The following ANTXR1 variants were observed in gnomAD, a reference collection of about 807,000 sequenced individuals.
ANTXR1 encodes the protein ANTXR cell adhesion molecule 1.
Under a neutral mutation model 78.1 loss-of-function variants are expected in ANTXR1, and 19 were observed. That is an observed-to-expected ratio of 0.24 (90% CI 0.17 to 0.36). The LOEUF is 0.36. Ranked by LOEUF, ANTXR1 falls within the 10% of genes least tolerant of loss-of-function variation. The probability of loss-of-function intolerance (pLI) is 1.00; values close to 1 mark genes in which losing one functional copy is unlikely to be tolerated. For missense variants in ANTXR1, 518 were observed against 718.6 expected (o/e 0.72, Z 3.19); for synonymous variants, 273 against 260.5 (o/e 1.05, Z -0.46).
At chr2:69,122,088 C>A (rs1672364927) in intron 10 of ANTXR1, among the ~76,000 whole-genome samples, 1 of 152,204 alleles carries the variant, frequency 6.6e-6, no homozygotes, top group South Asian at 2.1e-4. Flanking sequence ...GAACTTTGTG[C>A]AAATCCCTCA....
chr2:69,123,768 GA>G (rs1672432507), intron 11 of ANTXR1, among the ~76,000 whole-genome samples: 1 of 152,156 alleles, frequency 6.6e-6, no homozygotes, highest in South Asian at 2.1e-4. Context: ...CCCTGAGCAA[GA>G]AAAGAAATAC....
At chr2:69,130,723 G>C (rs1429558799) in intron 12 of ANTXR1, among the ~76,000 whole-genome samples, 1 of 152,142 alleles carries the variant, frequency 6.6e-6, no homozygotes, top group African/African-American at 2.4e-5. Flanking sequence ...CCAAGTAAAA[G>C]TCTAATGCCC....
In ANTXR1 at chr2:69,045,252, A is replaced by G. The variant is rs576600176; in HGVS notation, c.296+439A>G. 7.2e-5 allele frequency among the ~76,000 whole-genome samples: 11 copies of G among 152,334 alleles called. No homozygotes were observed. In the East Asian group the frequency reaches 1.9e-3, roughly 27 times the overall value. On this transcript the variant is annotated intron_variant, in intron 3 of 17. Coordinates refer to ENST00000303714, the MANE Select transcript of ANTXR1 (RefSeq NM_032208.3). ...ATAATTACCCAGGAAGGGAGTAGAA[A>G]GGGAGGGCTTATGGTACCACAAAAT...
intron 17 of ANTXR1, among the ~76,000 whole-genome samples, chr2:69,220,122 C>A (rs1041846384): frequency 2.6e-5 from 4 of 152,080 alleles, no homozygotes; most frequent in African/African-American, 9.7e-5. Context: ...ATGGTTCCAC[C>A]TACTCAAAAG....
intron 10 of ANTXR1, among the ~76,000 whole-genome samples, chr2:69,113,584 A>G (rs1335951378): frequency 6.6e-6 from 1 of 151,622 alleles, no homozygotes; most frequent in East Asian, 1.9e-4. Context: ...TCTCCTTCCC[A>G]CCTCTCCTCT....
intron 12 of ANTXR1, among the ~76,000 whole-genome samples, chr2:69,148,314 G>T (rs1673287903): frequency 6.6e-6 from 1 of 152,190 alleles, no homozygotes; most frequent in African/African-American, 2.4e-5. Flanking sequence ...ACTTGTGCTT[G>T]CCTTTTTGTG....
chr2:69,089,606 A>G (rs1220134997), intron 8 of ANTXR1, among the ~76,000 whole-genome samples: 1 of 151,832 alleles, frequency 6.6e-6, no homozygotes, highest in African/African-American at 2.4e-5. Context: ...ATTCTCTTTC[A>G]TTTGTGTCTT....
chr2:69,107,262 C>T (rs1409678247), intron 10 of ANTXR1, among the ~76,000 whole-genome samples: 1 of 151,980 alleles, frequency 6.6e-6, no homozygotes, highest in Non-Finnish European at 1.5e-5. Flanking sequence ...TTTTTTGAGA[C>T]AGGGTCTGGC....
At chr2:69,189,429 T>C (rs1674500254) in intron 16 of ANTXR1, among the ~76,000 whole-genome samples, 1 of 152,216 alleles carries the variant, frequency 6.6e-6, no homozygotes, top group African/African-American at 2.4e-5. Flanking sequence ...AGGGGTTAGG[T>C]AACTTACCCA....
intron 1 of ANTXR1, among the ~76,000 whole-genome samples, chr2:69,032,101 A>G (rs760932402): frequency 6.6e-6 from 1 of 152,262 alleles, no homozygotes; most frequent in Non-Finnish European, 1.5e-5. Flanking sequence ...TATAGCTATT[A>G]TAAAGTTATA....
chr2:69,120,840 C>A (rs758287327), intron 10 of ANTXR1, among the ~76,000 whole-genome samples: 2 of 152,152 alleles, frequency 1.3e-5, no homozygotes, highest in Admixed American at 6.5e-5. Flanking sequence ...TTCCCTGTTG[C>A]GCTTAGAAAA....
chr2:69,179,406 G>A (rs1442660028), intron 14 of ANTXR1, among the ~76,000 whole-genome samples: 2 of 151,816 alleles, frequency 1.3e-5, no homozygotes, highest in South Asian at 2.1e-4. Flanking sequence ...AATTAGCTGG[G>A]TGCATTGATA....
intron 8 of ANTXR1, among the ~76,000 whole-genome samples, chr2:69,081,318 G>C (rs560771721): frequency 4.9e-4 from 74 of 152,294 alleles, no homozygotes; most frequent in African/African-American, 1.7e-3. Flanking sequence ...ATCACCACTG[G>C]ATTACCAGAA....
chr2:69,022,025 A>T (rs750505435), intron 1 of ANTXR1, among the ~76,000 whole-genome samples: 16 of 152,238 alleles, frequency 1.1e-4, no homozygotes, highest in Non-Finnish European at 2.1e-4. Flanking sequence ...AATGGAAAGT[A>T]GAAATGGAGA....
intron 9 of ANTXR1, among the ~76,000 whole-genome samples, chr2:69,101,432 A>C (rs1325835484): frequency 6.6e-6 from 1 of 152,198 alleles, no homozygotes; most frequent in Non-Finnish European, 1.5e-5. Flanking sequence ...GATCTTGGAC[A>C]CATTACTTAA....
intron 9 of ANTXR1, among the ~76,000 whole-genome samples, chr2:69,094,754 A>G (rs987392516): frequency 6.6e-6 from 1 of 152,242 alleles, no homozygotes; most frequent in Non-Finnish European, 1.5e-5. Flanking sequence ...GATAATGACA[A>G]CAAAGCCAAA....
chr2:69,034,572 A>C (rs1368854383), intron 1 of ANTXR1, among the ~76,000 whole-genome samples: 1 of 152,160 alleles, frequency 6.6e-6, no homozygotes, highest in Non-Finnish European at 1.5e-5. Flanking sequence ...ATGGAGTCGA[A>C]ATTAGGGACC....
intron 3 of ANTXR1, among the ~76,000 whole-genome samples, chr2:69,060,290 G>A (rs1670195841): frequency 6.6e-6 from 1 of 152,172 alleles, no homozygotes; most frequent in African/African-American, 2.4e-5. Flanking sequence ...TTTACTTTGA[G>A]AAAGCTAAAG....
intron 12 of ANTXR1, among the ~76,000 whole-genome samples, chr2:69,134,211 G>C (rs778434726): frequency 6.6e-6 from 1 of 152,160 alleles, no homozygotes; most frequent in African/African-American, 2.4e-5. Context: ...GAAACTGAGT[G>C]TATGAGAAAT....
Sources: gnomAD v4.1 joint callset for allele counts (sites outside exome capture counted in the v4.1 genomes callset) on GRCh38, gnomAD v4.1.1 for gene constraint, MANE v1.5 for transcripts, NCBI Gene and HGNC (gene_info 2026-07-23, HGNC 2026-07-21) for gene names.